CAMK1: variants seen among roughly 807,000 people sequenced by gnomAD.
CAMK1 encodes calcium/calmodulin dependent protein kinase I.
In CAMK1, 39 loss-of-function variants were observed where a neutral mutation model predicts 49.1. The observed-to-expected ratio is 0.79, with a 90% CI of 0.62 to 1.04. CAMK1 has a LOEUF of 1.04. Among genes scored for constraint, CAMK1 ranks in the 50% least tolerant of loss-of-function variants. The pLI is 0.00. For synonymous variants in CAMK1, 192 were observed against 185.2 expected (o/e 1.04, Z -0.30); for missense variants, 457 against 472.2 (o/e 0.97, Z 0.30).
At chr3:9,761,834 C>A in intron 5 of CAMK1, 77 bp from the exon 6 acceptor site, 1 of 1,558,560 alleles carries the variant, frequency 6.4e-7, no homozygotes, top group Non-Finnish European at 8.7e-7. Context: ...GCTCCAAGCA[C>A]CTTCTGAGAA....
rs141273944 is a variant in CAMK1 at position 9,759,195 on chromosome 3, G to C, written c.912+293C>G. On this transcript the variant is annotated intron_variant, in intron 10 of 11. Coordinates refer to ENST00000256460, the MANE Select transcript of CAMK1 (RefSeq NM_003656.5). ...TCCTACTTAACTGACAGCTCTGTCA[G>C]GTCATCACCACTTTTATGACCTTTC... The C allele has an allele frequency of 6.2e-6, 10 of 1,613,324 alleles. No homozygotes were observed. The Admixed American group carries it at 1.7e-4, about 27-fold the overall frequency.
At chr3:9,760,888 C>A in intron 7 of CAMK1, 120 bp from the exon 8 acceptor site, 1 of 1,424,560 alleles carries the variant, frequency 7.0e-7, no homozygotes, top group Non-Finnish European at 9.5e-7. Flanking sequence ...CCTTTATAAA[C>A]TCTACCAGCC....
At position 9,759,529 on chromosome 3, in the gene CAMK1, T is replaced by A. The variant is rs913984992; in HGVS notation, c.871A>T (p.Ser291Cys). Reference protein sequence around the residue: ...ALDKNIHQSVSEQIKKNFAKS... With the variant: ...ALDKNIHQSVCEQIKKNFAKS... ...GCAAAGTTCTTCTTGATCTGCTCAC[T>A]CACCGACTGGTGGATATTCTTATCT... The change falls in exon 10 of 12, where the codon AGT becomes TGT. Residue 291 changes from serine to cysteine, a missense_variant. Ser to Cys is a moderately radical substitution (Grantham distance 112). Transcript: ENST00000256460. 5.0e-6 allele frequency: 8 copies of A among 1,614,074 alleles called. No homozygotes were observed. The African/African-American group carries it at 1.1e-4, about 22-fold the overall frequency.
Position 9,765,986 on chromosome 3 carries a change from A to G in CAMK1, c.84-96T>C, listed in dbSNP as rs768828779. ...CTATGGGTTCTGTGACCACTGCTGG[A>G]CCAAGGACGTGGATGACCCTCCCCT... On this transcript the variant is annotated intron_variant, in intron 2 of 11. Transcript: ENST00000256460. The G allele has an allele frequency of 8.1e-6, 13 of 1,613,992 alleles. No individual in the cohort carries two copies. In the South Asian group the frequency reaches 1.2e-4, roughly 15 times the overall value.
intron 10 of CAMK1, 79 bp downstream of exon 10, chr3:9,759,409 T>TGCTGTGCAA: frequency 6.3e-7 from 1 of 1,590,574 alleles, no homozygotes; most frequent in Admixed American, 1.7e-5. Context: ...TGATGCCAGG[T>TGCTGTGCAA]GCTGTGCAAG....
Position 9,767,682 on chromosome 3 carries a change from C to G in CAMK1, c.68G>C (p.Arg23Pro). 1 of 1,614,136 alleles carries G rather than the reference C, an allele frequency of 6.2e-7. No homozygotes were observed. Among genetic ancestry groups the G allele is most frequent in the Non-Finnish European group, 8.5e-7 (1 of 1,180,030 alleles). ...CTGGACTCACGTGCCCAGAACATCT[C>G]GGAAGTCGTAGATGTCTCTAATGTC... ...AEDIRDIYDF[R>P]DVLGTGAFSE... is the part of the protein sequence containing the mutation. The change falls in exon 2 of 12, where the codon CGA (arginine) becomes CCA (proline). Residue 23 changes from arginine (R) to proline (P), a missense_variant. By Grantham distance (103) the Arg-to-Pro change is moderately radical (BLOSUM62 -2). Transcript: ENST00000256460.
chr3:9,763,184 T>C lies in CAMK1; in HGVS notation c.245A>G (p.Asp82Gly), dbSNP rs149094214. ...GTGGCCCCCACTCTCATAGATGTCA[T>C]CCAGGGCTACAATGTTGGGGTGCTT... is the stretch of plus-strand genomic sequence containing the variant. ...KIKHPNIVAL[D>G]DIYESGGHLY... Residue 82 changes from aspartate (D) to glycine (G), a missense_variant, in exon 4 of 12, where the codon GAT becomes GGT. Physicochemically the swap from Asp to Gly is moderately conservative, Grantham distance 94. Transcript: ENST00000256460. 483 of 1,613,846 alleles carry C rather than the reference T, an allele frequency of 3.0e-4. No individual in the cohort carries two copies. Among genetic ancestry groups the C allele is most frequent in the Non-Finnish European group, 3.6e-4 (423 of 1,180,024 alleles).
chr3:9,767,556 G>A, intron 2 of CAMK1, 111 bp downstream of exon 2: 1 of 1,400,926 alleles, frequency 7.1e-7, no homozygotes. Context: ...AGATAGTGCT[G>A]CCACAGGGCC....
rs2078207698 is a variant in CAMK1 at position 9,768,195 on chromosome 3, G to A, written c.-32-414C>T. On this transcript the variant is annotated intron_variant, in intron 1 of 11. Transcript: ENST00000256460. Reference sequence around the variant, plus strand: ...CCGCCCCACCCTGGGGATTGCTGGGGTGTCTCCTTTCCCTCCTCCTTCCCC... The same window carrying A: ...CCGCCCCACCCTGGGGATTGCTGGGATGTCTCCTTTCCCTCCTCCTTCCCC... Among the ~76,000 whole-genome samples the A allele has an allele frequency of 2.0e-5, 3 of 152,276 alleles. No homozygotes were observed. In the South Asian group the frequency reaches 6.2e-4, roughly 32 times the overall value.
At position 9,762,911 on chromosome 3, in the gene CAMK1, C is replaced by T. The variant is rs758916799; in HGVS notation, c.429+3G>A. On this transcript the variant is annotated splice_donor_region_variant and intron_variant, in intron 5 of 11. Coordinates refer to ENST00000256460, the MANE Select transcript of CAMK1 (RefSeq NM_003656.5). ...TAGCTCACCACACCCCCTTGAGCCC[C>T]ACCTTGAGATCCCGGTGTACAATGC... The T allele has an allele frequency of 6.2e-7, 1 of 1,614,090 alleles. No individual in the cohort carries two copies. The highest frequency in any genetic ancestry group is 8.5e-7 in the Non-Finnish European group (1 of 1,180,008).
In CAMK1 at chr3:9,757,894, G is replaced by C. The variant is rs1356388168; in HGVS notation, c.913-48C>G. On this transcript the variant is annotated intron_variant, in intron 10 of 11. Transcript: ENST00000256460. This position sits in a 1 kb window ranked among gnomAD's most constrained non-coding sequence, Gnocchi z 4.5. ...GAGAGGGGAGAAAGGACTTTTGAGA[G>C]AGTCAAGTCATGGGGCAGGGGCGCA... 6.4e-7 allele frequency: 1 copy of C among 1,561,824 alleles called. No homozygotes were observed. Among genetic ancestry groups the C allele is most frequent in the Non-Finnish European group, 8.7e-7 (1 of 1,148,398 alleles).
chr3:9,766,162 G>T, intron 2 of CAMK1: 1 of 935,230 alleles, frequency 1.1e-6, no homozygotes. Context: ...GAGCTGGTAG[G>T]ATGTAAGCCT....
At position 9,766,422 on chromosome 3, in the gene CAMK1, A is replaced by G. The variant is rs530173003; in HGVS notation, c.84-532T>C. 3.7e-4 allele frequency: 175 copies of G among 474,568 alleles called. 2 individuals are homozygous for G. The highest frequency in any genetic ancestry group is 3.5e-3 in the South Asian group (173 of 49,486). The allele number at this position is 474,568 out of a possible 1,614,324, so 29.4% of individuals were successfully genotyped here. On this transcript the variant is annotated intron_variant, in intron 2 of 11. Coordinates refer to ENST00000256460, the MANE Select transcript of CAMK1 (RefSeq NM_003656.5). ...CCCTTTAGAACCTTAAAGAACCATC[A>G]GCATCACCCGGGAACTTTTTTAGAA...
chr3:9,765,335 T>G (rs773803643), intron 3 of CAMK1, among the ~76,000 whole-genome samples: 3 of 152,098 alleles, frequency 2.0e-5, no homozygotes, highest in African/African-American at 4.8e-5. Context: ...CATATCAGCA[T>G]GAGCAATTCA....
intron 2 of CAMK1, 63 bp from the exon 3 acceptor site, chr3:9,765,953 T>A: frequency 1.2e-6 from 2 of 1,614,048 alleles, no homozygotes; most frequent in Non-Finnish European, 1.7e-6. Flanking sequence ...CAGCCTCTCC[T>A]CCATTCCCTA....
intron 10 of CAMK1, chr3:9,758,690 C>T (rs1325070167): frequency 5.9e-6 from 1 of 170,086 alleles, no homozygotes; most frequent in South Asian, 1.4e-4. Context: ...AGTGCAGTGG[C>T]GCGATCTCAG....
At chr3:9,766,292 C>T (rs764370199) in intron 2 of CAMK1, 22 of 700,164 alleles carry the variant, frequency 3.1e-5, no homozygotes, top group Admixed American at 1.0e-4. Flanking sequence ...CATTATGTGG[C>T]CCTCTGGATC....
At position 9,765,205 on chromosome 3, in the gene CAMK1, C is replaced by T. The variant is rs562577204; in HGVS notation, c.215+554G>A. ...TTGCGTCACTGCACTCCAGCCGGGGCAACAGAGTGAGACTCCATCTCAAAA... is the reference window on the plus strand; with the variant it reads ...TTGCGTCACTGCACTCCAGCCGGGGTAACAGAGTGAGACTCCATCTCAAAA... On this transcript the variant is annotated intron_variant, in intron 3 of 11. Transcript: ENST00000256460. Among the ~76,000 whole-genome samples the T allele has an allele frequency of 2.0e-5, 3 of 148,354 alleles. No individual in the cohort carries two copies. The East Asian group carries it at 6.0e-4, about 30-fold the overall frequency.
At chr3:9,759,804 C>A in intron 8 of CAMK1, 54 bp from the exon 9 acceptor site, 1 of 1,613,878 alleles carries the variant, frequency 6.2e-7, no homozygotes, top group Non-Finnish European at 8.5e-7. Flanking sequence ...TGCCTGTGTA[C>A]TCCCCAAGAG....
Sources: allele counts gnomAD v4.1 joint callset (sites outside exome capture counted in the v4.1 genomes callset), GRCh38; gene constraint gnomAD v4.1.1; non-coding constraint Gnocchi (gnomAD v3.1); transcripts MANE v1.5; gene names NCBI Gene and HGNC (gene_info 2026-07-23, HGNC 2026-07-21).